The following NKAIN2 variants were observed in gnomAD, a reference collection of about 807,000 sequenced individuals.
NKAIN2 encodes sodium/potassium transporting ATPase interacting 2, also known as sodium/potassium-transporting ATPase subunit beta-1-interacting protein 2.
NKAIN2 carries 14 observed loss-of-function variants against 32.6 expected under a neutral mutation model. The observed-to-expected ratio is 0.43, with a 90% confidence interval of 0.28 to 0.67. The LOEUF is 0.67. Ranked by LOEUF, NKAIN2 falls within the 30% of genes least tolerant of loss-of-function variation. The pLI is 0.17. For synonymous variants in NKAIN2, 80 were observed against 87.2 expected (o/e 0.92, Z 0.46); for missense variants, 198 against 258.3 (o/e 0.77, Z 1.60).
chr6:124,203,886 G>A (rs1277246291), intron 1 of NKAIN2, among the ~76,000 whole-genome samples: 1 of 151,526 alleles, frequency 6.6e-6, no homozygotes, highest in Non-Finnish European at 1.5e-5. Flanking sequence ...CTTTTAAGAT[G>A]GTAATAAGAT....
intron 1 of NKAIN2, among the ~76,000 whole-genome samples, chr6:124,052,308 A>G (rs1782446565): frequency 6.6e-6 from 1 of 152,060 alleles, no homozygotes; most frequent in Non-Finnish European, 1.5e-5. Context: ...TGTATACACA[A>G]CTATGGGATG....
chr6:124,268,189 T>C (rs924523283), intron 1 of NKAIN2, among the ~76,000 whole-genome samples: 1 of 152,140 alleles, frequency 6.6e-6, no homozygotes, highest in Admixed American at 6.5e-5. Context: ...CAAGCACAAC[T>C]TACTGTAGGT....
At chr6:124,510,401 C>CTA (rs1778664212) in intron 3 of NKAIN2, among the ~76,000 whole-genome samples, 1 of 152,062 alleles carries the variant, frequency 6.6e-6, no homozygotes, top group Non-Finnish European at 1.5e-5. Context: ...TTAGAATCTG[C>CTA]TGTATGACAT....
At chr6:124,620,128 A>G (rs866183965) in intron 3 of NKAIN2, among the ~76,000 whole-genome samples, 1 of 152,160 alleles carries the variant, frequency 6.6e-6, no homozygotes, top group Non-Finnish European at 1.5e-5. Context: ...GCACAGTTCC[A>G]TAGACCCAGA....
At chr6:124,135,062 C>T (rs1459649777) in intron 1 of NKAIN2, among the ~76,000 whole-genome samples, 1 of 151,936 alleles carries the variant, frequency 6.6e-6, no homozygotes, top group African/African-American at 2.4e-5. Context: ...GAGAGAAGGT[C>T]ACAAACAAAT....
chr6:124,454,959 G>A (rs574312482), intron 3 of NKAIN2, among the ~76,000 whole-genome samples: 14 of 152,072 alleles, frequency 9.2e-5, no homozygotes, highest in African/African-American at 2.9e-4. Flanking sequence ...CAACTCACAA[G>A]CTATCAGAAG....
intron 1 of NKAIN2, among the ~76,000 whole-genome samples, chr6:124,171,206 ACTTTTTTTGTT>A (rs1788835559): frequency 6.6e-6 from 1 of 152,074 alleles, no homozygotes; most frequent in Admixed American, 6.6e-5. Flanking sequence ...TTCTTAAGGA[ACTTTTTTTGTT>A]TTGTTTTGTT....
chr6:124,654,085 A>T (rs970715541), intron 3 of NKAIN2, among the ~76,000 whole-genome samples: 1 of 152,184 alleles, frequency 6.6e-6, no homozygotes, highest in Non-Finnish European at 1.5e-5. Context: ...CACACATTTC[A>T]TACTAGAAAT....
At chr6:123,946,494 C>T (rs957374408) in intron 1 of NKAIN2, among the ~76,000 whole-genome samples, 2 of 151,876 alleles carry the variant, frequency 1.3e-5, no homozygotes, top group Non-Finnish European at 2.9e-5. Context: ...AACATGTTTC[C>T]CTTAAGGAAT....
chr6:124,401,999 G>A (rs184995483), intron 3 of NKAIN2, among the ~76,000 whole-genome samples: 2 of 152,134 alleles, frequency 1.3e-5, no homozygotes, highest in East Asian at 3.9e-4. Flanking sequence ...ATACTCTCCT[G>A]TACTCCCAAA....
intron 1 of NKAIN2, among the ~76,000 whole-genome samples, chr6:124,012,777 A>C (rs1409107037): frequency 6.6e-6 from 1 of 152,160 alleles, no homozygotes; most frequent in Admixed American, 6.6e-5. Flanking sequence ...GTTTTTACAA[A>C]ATTAGCTACT....
intron 1 of NKAIN2, among the ~76,000 whole-genome samples, chr6:124,043,124 G>A (rs1036350481): frequency 1.3e-5 from 2 of 152,034 alleles, no homozygotes; most frequent in Non-Finnish European, 2.9e-5. Flanking sequence ...TTGGGAGGCC[G>A]AGGTGGGCGG....
chr6:124,745,056 T>C (rs1213537229), intron 4 of NKAIN2, among the ~76,000 whole-genome samples: 2 of 151,882 alleles, frequency 1.3e-5, no homozygotes, highest in South Asian at 2.1e-4. Flanking sequence ...TCTGATTTTT[T>C]TTCCATTTAA....
chr6:124,065,337 G>A (rs937501406), intron 1 of NKAIN2, among the ~76,000 whole-genome samples: 3 of 151,998 alleles, frequency 2.0e-5, no homozygotes, highest in Non-Finnish European at 4.4e-5. Flanking sequence ...ACGCACTGCA[G>A]TTCCCGCTTA....
intron 1 of NKAIN2, among the ~76,000 whole-genome samples, chr6:124,139,789 G>A (rs781248201): frequency 5.3e-5 from 8 of 152,058 alleles, no homozygotes; most frequent in Admixed American, 3.3e-4. Flanking sequence ...AAGAATACAA[G>A]CAAACAGTGG....
intron 1 of NKAIN2, among the ~76,000 whole-genome samples, chr6:124,198,696 T>G (rs1790445057): frequency 6.6e-6 from 1 of 152,018 alleles, no homozygotes; most frequent in Non-Finnish European, 1.5e-5. Context: ...TGCACAGTAT[T>G]TTGTGTGTGT....
At chr6:124,385,847 A>G (rs1310146912) in intron 3 of NKAIN2, among the ~76,000 whole-genome samples, 1 of 152,132 alleles carries the variant, frequency 6.6e-6, no homozygotes, top group Non-Finnish European at 1.5e-5. Context: ...ACATACTCAT[A>G]TATATGTAGT....
intron 4 of NKAIN2, among the ~76,000 whole-genome samples, chr6:124,674,566 C>T (rs1773265756): frequency 6.6e-6 from 1 of 151,742 alleles, no homozygotes; most frequent in East Asian, 1.9e-4. Flanking sequence ...AGGGTACAAG[C>T]CTTTCATATC....
At chr6:124,297,172 A>G (rs1796090590) in intron 2 of NKAIN2, among the ~76,000 whole-genome samples, 1 of 152,172 alleles carries the variant, frequency 6.6e-6, no homozygotes, top group Admixed American at 6.5e-5. Flanking sequence ...AGGGATGCTG[A>G]CCCACACACA....
Sources: gnomAD v4.1 joint callset for allele counts (sites outside exome capture counted in the v4.1 genomes callset) on GRCh38, gnomAD v4.1.1 for gene constraint, MANE v1.5 for transcripts, NCBI Gene and HGNC (gene_info 2026-07-23, HGNC 2026-07-21) for gene names.